MTUS2: variants seen among roughly 807,000 people sequenced by gnomAD.
MTUS2 encodes microtubule-associated tumor suppressor candidate 2.
MTUS2 carries 40 observed loss-of-function variants against 114.1 expected under a neutral mutation model. The ratio of observed to expected loss-of-function variants is 0.35; its 90% CI spans 0.27 to 0.46. The LOEUF is 0.46. Ranked by LOEUF, MTUS2 falls within the 20% of genes least tolerant of loss-of-function variation. MTUS2 has a pLI of 1.00. For missense variants in MTUS2, 1,679 were observed against 1,705.4 expected, an observed-to-expected ratio of 0.98 and a Z score of 0.27; for synonymous variants, 688 against 672.0, an observed-to-expected ratio of 1.02 and a Z score of -0.37.
chr13:29,266,820 G>T (rs898001156), intron 5 of MTUS2, among the ~76,000 whole-genome samples: 1 of 152,152 alleles, frequency 6.6e-6, no homozygotes, highest in Non-Finnish European at 1.5e-5. Flanking sequence ...GACAGCGGAC[G>T]TCTCAAGCAC....
At chr13:29,470,334 C>A (rs1326097430) in intron 9 of MTUS2, among the ~76,000 whole-genome samples, 1 of 152,190 alleles carries the variant, frequency 6.6e-6, no homozygotes. Flanking sequence ...CAACCTCTAA[C>A]ATCCAGAAAC....
At chr13:28,951,372 T>C (rs1256911430) in intron 2 of MTUS2, among the ~76,000 whole-genome samples, 3 of 152,234 alleles carry the variant, frequency 2.0e-5, no homozygotes, top group African/African-American at 7.2e-5. Flanking sequence ...TAAAATTTCT[T>C]TCAGCAACAT....
chr13:29,191,586 C>T (rs1226442830), intron 5 of MTUS2, among the ~76,000 whole-genome samples: 1 of 152,062 alleles, frequency 6.6e-6, no homozygotes, highest in South Asian at 2.1e-4. Flanking sequence ...GGGGACTGGG[C>T]TTCTGTGTCC....
intron 8 of MTUS2, among the ~76,000 whole-genome samples, chr13:29,373,474 C>T (rs534025244): frequency 5.3e-4 from 80 of 152,270 alleles, no homozygotes; most frequent in African/African-American, 1.9e-3. Context: ...AAAGGAGGAA[C>T]GTGGGAAAAT....
At chr13:29,386,767 G>A (rs528102047) in intron 8 of MTUS2, among the ~76,000 whole-genome samples, 5 of 152,278 alleles carry the variant, frequency 3.3e-5, no homozygotes, top group South Asian at 4.1e-4. Context: ...ACTCCAATTA[G>A]CCTACATTCT....
chr13:28,940,023 C>T (rs1276288771), intron 2 of MTUS2, among the ~76,000 whole-genome samples: 3 of 152,136 alleles, frequency 2.0e-5, no homozygotes, highest in African/African-American at 4.8e-5. Flanking sequence ...GAAAGACCTG[C>T]CCCCTTGACT....
chr13:28,937,500 T>C (rs1485713571), intron 2 of MTUS2, among the ~76,000 whole-genome samples: 1 of 152,106 alleles, frequency 6.6e-6, no homozygotes, highest in Admixed American at 6.5e-5. Flanking sequence ...CTTGTGCTGC[T>C]CAATTTTTGG....
chr13:29,437,145 A>T (rs1877475109), intron 8 of MTUS2, among the ~76,000 whole-genome samples: 1 of 152,070 alleles, frequency 6.6e-6, no homozygotes, highest in Non-Finnish European at 1.5e-5. Context: ...CATGACAGGG[A>T]GCTGGGGGAG....
intron 5 of MTUS2, among the ~76,000 whole-genome samples, chr13:29,142,951 T>C (rs2139008477): frequency 6.6e-6 from 1 of 152,346 alleles, no homozygotes. Context: ...CTAGTTACTT[T>C]GTGTAGAGAA....
chr13:29,109,128 AG>A, intron 5 of MTUS2, among the ~76,000 whole-genome samples: 1 of 152,216 alleles, frequency 6.6e-6, no homozygotes, highest in Non-Finnish European at 1.5e-5. Context: ...AGTGGTCCCT[AG>A]AAAGCTCTTA....
At chr13:29,059,737 T>G (rs1888321938) in intron 4 of MTUS2, among the ~76,000 whole-genome samples, 1 of 152,192 alleles carries the variant, frequency 6.6e-6, no homozygotes. Context: ...AGTCATCAAC[T>G]CTGCTGTCCT....
chr13:29,012,647 G>A (rs1197659316), intron 2 of MTUS2, among the ~76,000 whole-genome samples: 2 of 152,156 alleles, frequency 1.3e-5, no homozygotes, highest in Non-Finnish European at 2.9e-5. Context: ...GCCGAGGCGG[G>A]CGGATCACGA....
intron 6 of MTUS2, among the ~76,000 whole-genome samples, chr13:29,321,114 G>A (rs536914255): frequency 3.9e-5 from 6 of 152,134 alleles, no homozygotes; most frequent in African/African-American, 1.4e-4. Context: ...GAGGTATCTG[G>A]GCCTACCTGG....
chr13:29,377,934 G>T (rs189280546), intron 8 of MTUS2, among the ~76,000 whole-genome samples: 32 of 152,322 alleles, frequency 2.1e-4, no homozygotes, highest in Admixed American at 8.5e-4. Context: ...GGCTATCCCT[G>T]CAGATTAACA....
At chr13:29,128,373 G>T (rs894036600) in intron 5 of MTUS2, among the ~76,000 whole-genome samples, 3 of 152,148 alleles carry the variant, frequency 2.0e-5, no homozygotes, top group African/African-American at 2.4e-5. Flanking sequence ...AGAGGAAACC[G>T]GTTAGGAATC....
intron 9 of MTUS2, among the ~76,000 whole-genome samples, chr13:29,443,531 G>A (rs556111343): frequency 2.0e-5 from 3 of 152,294 alleles, no homozygotes; most frequent in Non-Finnish European, 2.9e-5. Context: ...GAGGGAGGGC[G>A]GAAGGCCTTG....
At chr13:29,120,113 T>C (rs1039324162) in intron 5 of MTUS2, among the ~76,000 whole-genome samples, 6 of 152,062 alleles carry the variant, frequency 3.9e-5, no homozygotes, top group Admixed American at 2.0e-4. Context: ...CTGACGAAGA[T>C]TGAAAAGGAT....
intron 5 of MTUS2, among the ~76,000 whole-genome samples, chr13:29,174,929 G>A (rs1372506393): frequency 6.6e-6 from 1 of 152,130 alleles, no homozygotes; most frequent in Non-Finnish European, 1.5e-5. Context: ...AGAAATTGAA[G>A]CAGTTCGCTA....
At chr13:29,441,766 A>G (rs762185621) in intron 9 of MTUS2, among the ~76,000 whole-genome samples, 14 of 152,080 alleles carry the variant, frequency 9.2e-5, no homozygotes, top group South Asian at 2.1e-4. Flanking sequence ...CCGTGCATGC[A>G]CACATTGTAC....
Sources: allele counts gnomAD v4.1 joint callset (sites outside exome capture counted in the v4.1 genomes callset), GRCh38; gene constraint gnomAD v4.1.1; transcripts MANE v1.5; gene names NCBI Gene and HGNC (gene_info 2026-07-23, HGNC 2026-07-21).